The following SOBP variants were observed in gnomAD, a reference collection of about 807,000 sequenced individuals.
The protein encoded by SOBP is sine oculis binding protein homolog.
In SOBP, 4 loss-of-function variants were observed where a neutral mutation model predicts 53.6. The observed-to-expected ratio is 0.07, with a 90% CI of 0.04 to 0.17. SOBP has a LOEUF of 0.17. Among genes scored for constraint, SOBP ranks in the 10% least tolerant of loss-of-function variants. The pLI is 1.00. For synonymous variants in SOBP, 584 were observed against 522.6 expected (o/e 1.12, Z -1.60); for missense variants, 1,088 against 1,204.7 (o/e 0.90, Z 1.43).
At chr6:107,547,015 G>A (rs1225734259) in intron 4 of SOBP, among the ~76,000 whole-genome samples, 2 of 152,180 alleles carry the variant, frequency 1.3e-5, no homozygotes, top group Non-Finnish European at 2.9e-5. Context: ...ATTAGGAGTA[G>A]TGTCACTTGG....
chr6:107,609,569 T>C (rs1786515585), intron 5 of SOBP, among the ~76,000 whole-genome samples: 1 of 152,176 alleles, frequency 6.6e-6, no homozygotes, highest in Non-Finnish European at 1.5e-5. Context: ...TGGTGTAGAA[T>C]TTGTACTTAA....
chr6:107,582,077 G>T (rs1022163533), intron 4 of SOBP, among the ~76,000 whole-genome samples: 2 of 152,188 alleles, frequency 1.3e-5, no homozygotes, highest in Non-Finnish European at 2.9e-5. Flanking sequence ...TCACAGGGAG[G>T]TATTAACTCT....
At position 107,497,099 on chromosome 6, in the gene SOBP, A is replaced by G. The variant is rs142657750; in HGVS notation, c.96+6387A>G. On this transcript the variant is annotated intron_variant, in intron 1 of 6. Coordinates refer to ENST00000317357, the MANE Select transcript of SOBP (RefSeq NM_018013.4). ...TTCTTTATCTCTATTAATGAGTCCA[A>G]TGATGCCTGATAGATATCTACTCCA... Among the ~76,000 whole-genome samples, 411 of 152,330 alleles carry G rather than the reference A, an allele frequency of 2.7e-3. 2 individuals are homozygous for G. The highest frequency in any genetic ancestry group is 9.3e-3 in the African/African-American group (386 of 41,562).
chr6:107,609,964 C>T (rs1786532122), intron 5 of SOBP, among the ~76,000 whole-genome samples: 1 of 152,198 alleles, frequency 6.6e-6, no homozygotes, highest in Non-Finnish European at 1.5e-5. Flanking sequence ...TCTAAATACA[C>T]ATATCCAGTG....
chr6:107,647,579 C>T (rs1336781436), intron 6 of SOBP, among the ~76,000 whole-genome samples: 2 of 152,216 alleles, frequency 1.3e-5, no homozygotes, highest in African/African-American at 2.4e-5. Context: ...AACACTTCCA[C>T]GTTGTCAACC....
chr6:107,655,199 A>G (rs181385717), intron 6 of SOBP, among the ~76,000 whole-genome samples: 1 of 152,258 alleles, frequency 6.6e-6, no homozygotes, highest in Non-Finnish European at 1.5e-5. Context: ...ACTTCCTGCC[A>G]TGATCACTTT....
In SOBP at chr6:107,635,323, G is replaced by C. The variant is rs766725468; in HGVS notation, c.2479G>C (p.Val827Leu). 1.2e-6 allele frequency: 2 copies of C among 1,613,620 alleles called. No individual in the cohort carries two copies. The highest frequency in any genetic ancestry group is 4.5e-5 in the East Asian group (2 of 44,866). ...GCGGATGCTGCCCAAGACCGGCTGC[G>C]TGATCCAGCCTGTGCCAAAACCCGC... ...ALRMLPKTGC[V>L]IQPVPKPAEK... Residue 827 changes from valine to leucine, a missense_variant, in exon 6 of 7, where the codon GTG (valine) becomes CTG (leucine). Transcript: ENST00000317357. The surrounding 1 kb of genome is among the most constrained non-coding windows in gnomAD (Gnocchi z 4.5).
intron 6 of SOBP, among the ~76,000 whole-genome samples, chr6:107,649,163 CAAAAAAAAAAAAAAAA>C (rs61034738): frequency 2.5e-5 from 1 of 40,406 alleles, no homozygotes; most frequent in Admixed American, 4.1e-4. Context: ...CCCCCACTAC[CAAAAAAAAAAAAAAAA>C]AAAAAAAAAA....
chr6:107,532,373 T>C (rs1783856871), intron 3 of SOBP, among the ~76,000 whole-genome samples: 1 of 151,970 alleles, frequency 6.6e-6, no homozygotes, highest in African/African-American at 2.4e-5. Context: ...TACTTAGGTG[T>C]CTACTTAAAG....
intron 6 of SOBP, among the ~76,000 whole-genome samples, chr6:107,639,058 A>G (rs1319771566): frequency 6.6e-6 from 1 of 152,082 alleles, no homozygotes; most frequent in Non-Finnish European, 1.5e-5. Flanking sequence ...ACATGCCACC[A>G]TGCCCAGCTA....
chr6:107,515,930 CAAAAT>C (rs1381654655), intron 3 of SOBP, among the ~76,000 whole-genome samples: 2 of 151,682 alleles, frequency 1.3e-5, no homozygotes, highest in Non-Finnish European at 2.9e-5. Context: ...ATATGATTAA[CAAAAT>C]AAAGTAAAAC....
intron 6 of SOBP, among the ~76,000 whole-genome samples, chr6:107,645,200 T>C (rs1044902820): frequency 1.3e-5 from 2 of 152,188 alleles, no homozygotes; most frequent in African/African-American, 2.4e-5. Flanking sequence ...ATAATAACTT[T>C]TAAAATCCTA....
intron 5 of SOBP, among the ~76,000 whole-genome samples, chr6:107,589,407 C>T (rs1392412036): frequency 6.6e-6 from 1 of 152,136 alleles, no homozygotes; most frequent in Non-Finnish European, 1.5e-5. Flanking sequence ...TCTGCCCGCT[C>T]CCCACCCCCA....
chr6:107,592,260 T>C (rs528641941), intron 5 of SOBP, among the ~76,000 whole-genome samples: 6 of 152,280 alleles, frequency 3.9e-5, no homozygotes, highest in Non-Finnish European at 8.8e-5. Context: ...AGTGTATTCA[T>C]TTAAAAACAA....
chr6:107,536,827 T>C (rs1436105122), intron 4 of SOBP, among the ~76,000 whole-genome samples: 2 of 152,326 alleles, frequency 1.3e-5, no homozygotes, highest in Non-Finnish European at 2.9e-5. Context: ...GAATGTTGGC[T>C]CTAGGAAGTG....
intron 1 of SOBP, among the ~76,000 whole-genome samples, chr6:107,496,845 G>C (rs1562571267): frequency 6.6e-6 from 1 of 152,082 alleles, no homozygotes; most frequent in African/African-American, 2.4e-5. Flanking sequence ...ATCTGCAAAG[G>C]GCTCTTCAAA....
In SOBP at chr6:107,633,639, A is replaced by G; in HGVS notation, c.795A>G (p.Lys265=). The G allele has an allele frequency of 1.2e-6, 2 of 1,614,280 alleles. No homozygotes were observed. The highest frequency in any genetic ancestry group is 1.7e-6 in the Non-Finnish European group (2 of 1,180,054). The change falls in exon 6 of 7, where the codon AAA becomes AAG. Residue 265 remains lysine (K), a synonymous_variant. Coordinates refer to ENST00000317357, the MANE Select transcript of SOBP (RefSeq NM_018013.4). ...LNQYKMDIFY[K]ETQANLPAGL... is the part of the protein sequence containing the mutation. Reference sequence around the variant, plus strand: ...AATACAAAATGGACATTTTCTACAAAGAGACCCAGGCCAATCTTCCAGCTG... The same window carrying G: ...AATACAAAATGGACATTTTCTACAAGGAGACCCAGGCCAATCTTCCAGCTG...
intron 3 of SOBP, among the ~76,000 whole-genome samples, chr6:107,524,356 T>A (rs1295216236): frequency 6.6e-6 from 1 of 152,198 alleles, no homozygotes; most frequent in Non-Finnish European, 1.5e-5. Flanking sequence ...AATCCATGAT[T>A]GCAGCATCAT....
intron 5 of SOBP, among the ~76,000 whole-genome samples, chr6:107,608,953 T>C (rs1299539479): frequency 6.6e-6 from 1 of 152,198 alleles, no homozygotes; most frequent in East Asian, 1.9e-4. Context: ...ATCTATTCTT[T>C]AATACCACTC....
Sources: allele counts gnomAD v4.1 joint callset (sites outside exome capture counted in the v4.1 genomes callset), GRCh38; gene constraint gnomAD v4.1.1; non-coding constraint Gnocchi (gnomAD v3.1); transcripts MANE v1.5; gene names NCBI Gene and HGNC (gene_info 2026-07-23, HGNC 2026-07-21).